The following NRG3 variants were observed in gnomAD, a reference collection of about 807,000 sequenced individuals.
The protein encoded by NRG3 is pro-neuregulin-3, membrane-bound isoform.
In NRG3, 31 loss-of-function variants were observed where a neutral mutation model predicts 66.9. The ratio of observed to expected loss-of-function variants is 0.46; its 90% CI spans 0.35 to 0.63. NRG3 has a LOEUF of 0.63. NRG3 is among the 20% of genes least tolerant of loss of function. The pLI is 0.00. For synonymous variants in NRG3, 393 were observed against 359.4 expected (o/e 1.09, Z -1.06); for missense variants, 910 against 878.9 (o/e 1.04, Z -0.45).
intron 1 of NRG3, among the ~76,000 whole-genome samples, chr10:82,231,567 T>C (rs1268924231): frequency 6.6e-6 from 1 of 152,124 alleles, no homozygotes; most frequent in Non-Finnish European, 1.5e-5. Flanking sequence ...AAACGCATTA[T>C]TTATCAAATT....
At chr10:81,901,974 G>A (rs1844123474) in intron 1 of NRG3, among the ~76,000 whole-genome samples, 1 of 152,140 alleles carries the variant, frequency 6.6e-6, no homozygotes, top group African/African-American at 2.4e-5. Context: ...GTGCGTGTGA[G>A]TGTGTTCACT....
At chr10:81,930,070 A>C (rs1487820108) in intron 1 of NRG3, among the ~76,000 whole-genome samples, 3 of 152,038 alleles carry the variant, frequency 2.0e-5, no homozygotes, top group African/African-American at 7.2e-5. Context: ...GAGCACTTAG[A>C]GGGATTACAG....
At chr10:82,299,709 C>T (rs546012074) in intron 1 of NRG3, among the ~76,000 whole-genome samples, 26 of 152,150 alleles carry the variant, frequency 1.7e-4, no homozygotes, top group African/African-American at 5.8e-4. Flanking sequence ...GGAGGCAAGA[C>T]CTCAAATATT....
At chr10:82,101,512 A>G (rs940890506) in intron 1 of NRG3, among the ~76,000 whole-genome samples, 3 of 151,816 alleles carry the variant, frequency 2.0e-5, no homozygotes, top group Non-Finnish European at 4.4e-5. Flanking sequence ...GCTGTCCCAC[A>G]TATCCTGATA....
intron 2 of NRG3, among the ~76,000 whole-genome samples, chr10:82,382,872 C>T (rs992688671): frequency 6.6e-6 from 1 of 151,828 alleles, no homozygotes; most frequent in African/African-American, 2.4e-5. Context: ...AATAGTTTTG[C>T]CTGTATAGAA....
chr10:82,072,655 T>G (rs1173399868), intron 1 of NRG3, among the ~76,000 whole-genome samples: 1 of 151,396 alleles, frequency 6.6e-6, no homozygotes, highest in Non-Finnish European at 1.5e-5. Context: ...ACAAGAATTT[T>G]AATAGTAGTT....
At chr10:82,755,426 A>G (rs1409261226) in intron 3 of NRG3, among the ~76,000 whole-genome samples, 2 of 152,044 alleles carry the variant, frequency 1.3e-5, no homozygotes, top group Non-Finnish European at 2.9e-5. Context: ...ACTTGATCTC[A>G]TTTTATCTCA....
At chr10:82,112,645 T>C (rs1281928652) in intron 1 of NRG3, among the ~76,000 whole-genome samples, 1 of 152,202 alleles carries the variant, frequency 6.6e-6, no homozygotes, top group East Asian at 1.9e-4. Flanking sequence ...AGACTGCTAA[T>C]GAATTATGAC....
chr10:81,903,797 C>A (rs1589406655), intron 1 of NRG3, among the ~76,000 whole-genome samples: 1 of 152,126 alleles, frequency 6.6e-6, no homozygotes, highest in East Asian at 1.9e-4. Flanking sequence ...TTGTGTTTTC[C>A]ATGTTAAAAC....
chr10:82,338,644 A>G (rs961526544), intron 1 of NRG3, among the ~76,000 whole-genome samples: 2 of 152,226 alleles, frequency 1.3e-5, no homozygotes, highest in East Asian at 1.9e-4. Context: ...TTAGATATAC[A>G]GTTGATGCTC....
chr10:82,180,499 C>A (rs540057485), intron 1 of NRG3, among the ~76,000 whole-genome samples: 1 of 151,864 alleles, frequency 6.6e-6, no homozygotes, highest in East Asian at 1.9e-4. Flanking sequence ...TTGAGATGAT[C>A]ATGTGATTTT....
chr10:82,231,446 C>A, intron 1 of NRG3, among the ~76,000 whole-genome samples: 1 of 150,334 alleles, frequency 6.7e-6, no homozygotes, highest in African/African-American at 2.4e-5. Flanking sequence ...AATAGTAACA[C>A]AAACAGGCAC....
chr10:81,970,967 C>T (rs770408694), intron 1 of NRG3, among the ~76,000 whole-genome samples: 4 of 152,142 alleles, frequency 2.6e-5, no homozygotes, highest in Non-Finnish European at 5.9e-5. Flanking sequence ...TGGTGAAACC[C>T]TGTCTCTACT....
intron 1 of NRG3, among the ~76,000 whole-genome samples, chr10:82,036,673 A>T (rs1036809337): frequency 1.3e-5 from 2 of 152,156 alleles, no homozygotes; most frequent in African/African-American, 4.8e-5. Flanking sequence ...ATTAACTATA[A>T]GCACAGTGTT....
At chr10:81,941,574 C>T (rs189720264) in intron 1 of NRG3, among the ~76,000 whole-genome samples, 20 of 152,156 alleles carry the variant, frequency 1.3e-4, no homozygotes, top group Admixed American at 2.0e-4. Flanking sequence ...GCTAAGAGAT[C>T]GTTTTAAAAT....
chr10:82,971,949 C>T (rs948581951), intron 6 of NRG3, among the ~76,000 whole-genome samples: 3 of 152,102 alleles, frequency 2.0e-5, no homozygotes, highest in East Asian at 1.9e-4. Context: ...CCAATTCTGT[C>T]GACTTTTTTC....
intron 1 of NRG3, among the ~76,000 whole-genome samples, chr10:82,220,515 G>T (rs755851811): frequency 4.5e-4 from 68 of 152,188 alleles, no homozygotes; most frequent in Middle Eastern, 3.4e-3. Flanking sequence ...GAAGATCTGG[G>T]AGATTTTTCT....
chr10:82,251,361 C>T (rs112545169), intron 1 of NRG3, among the ~76,000 whole-genome samples: 7 of 152,174 alleles, frequency 4.6e-5, no homozygotes, highest in Admixed American at 4.6e-4. Context: ...ATCTTATCCT[C>T]TAAAGCCATT....
At chr10:81,974,453 G>A (rs553339359) in intron 1 of NRG3, among the ~76,000 whole-genome samples, 1 of 152,248 alleles carries the variant, frequency 6.6e-6, no homozygotes, top group African/African-American at 2.4e-5. Flanking sequence ...TGGAGAATAA[G>A]TTTTAGACAA....
Sources: gnomAD v4.1 joint callset for allele counts (sites outside exome capture counted in the v4.1 genomes callset) on GRCh38, gnomAD v4.1.1 for gene constraint, MANE v1.5 for transcripts, NCBI Gene and HGNC (gene_info 2026-07-23, HGNC 2026-07-21) for gene names.